CYP27C1: variants seen among roughly 807,000 people sequenced by gnomAD.
The protein encoded by CYP27C1 is cytochrome P450 27C1.
A neutral mutation model predicts 40.6 loss-of-function variants in CYP27C1; 29 were observed. That is an observed-to-expected ratio of 0.71 (90% CI 0.53 to 0.97). The LOEUF (loss-of-function observed/expected upper bound fraction) is 0.97. Ranked by LOEUF, CYP27C1 falls within the 50% of genes least tolerant of loss-of-function variation. The pLI is 0.00. For synonymous variants in CYP27C1, 198 were observed against 186.8 expected, an observed-to-expected ratio of 1.06 and a Z score of -0.49; for missense variants, 390 against 485.8, an observed-to-expected ratio of 0.80 and a Z score of 1.85.
At chr2:127,191,686 G>A (rs964014190) in intron 8 of CYP27C1, among the ~76,000 whole-genome samples, 2 of 152,202 alleles carry the variant, frequency 1.3e-5, no homozygotes, top group Non-Finnish European at 2.9e-5. Context: ...TGTAAATGAC[G>A]TGACAGGCTC....
chr2:127,215,847 G>A (rs986155910), intron 1 of CYP27C1, among the ~76,000 whole-genome samples: 2 of 151,838 alleles, frequency 1.3e-5, no homozygotes, highest in African/African-American at 4.8e-5. Flanking sequence ...GAGAGAGGGA[G>A]GGAGGGAGGA....
In CYP27C1 at chr2:127,201,041, C is replaced by G. The variant is rs981780580; in HGVS notation, c.883+81G>C. 7.4e-7 allele frequency: 1 copy of G among 1,356,470 alleles called. No individual in the cohort carries two copies. Among genetic ancestry groups the G allele is most frequent in the Non-Finnish European group, 1.0e-6 (1 of 960,918 alleles). The allele number at this position is 1,356,470 out of a possible 1,614,324, so 84.0% of individuals were successfully genotyped here. A position where few individuals can be genotyped will look rare whatever the true frequency, so the allele number is the denominator to read the frequency against. ...TCTAGGCATCCTCTGCTATGGTCAC[C>G]CATTGTCTGGATGAGAGTTAGACAC... On this transcript the variant is annotated intron_variant, in intron 4 of 8. Transcript: ENST00000664447. The surrounding 1 kb of genome is among the most constrained non-coding windows in gnomAD (Gnocchi z 6.0).
chr2:127,210,413 A>G (rs1451756751), intron 1 of CYP27C1, among the ~76,000 whole-genome samples: 1 of 152,214 alleles, frequency 6.6e-6, no homozygotes, highest in Non-Finnish European at 1.5e-5. Flanking sequence ...AAACACACCA[A>G]AATATAAAGA....
chr2:127,214,366 A>G (rs1028533508), intron 1 of CYP27C1, among the ~76,000 whole-genome samples: 2 of 152,200 alleles, frequency 1.3e-5, no homozygotes, highest in Non-Finnish European at 2.9e-5. Context: ...AAACACATGC[A>G]CACATATTTT....
intron 5 of CYP27C1, among the ~76,000 whole-genome samples, chr2:127,198,137 A>G (rs899803863): frequency 2.6e-5 from 4 of 151,138 alleles, no homozygotes; most frequent in Admixed American, 2.0e-4. Context: ...GTCCCAGTGT[A>G]TCATTGATCT....
rs150138787 is a variant in CYP27C1 at position 127,217,487 on chromosome 2, C to T, written c.282+2502G>A. Among the ~76,000 whole-genome samples, 412 of 152,314 alleles carry T rather than the reference C, an allele frequency of 2.7e-3. 5 individuals carry two copies. The highest frequency in any genetic ancestry group is 9.0e-3 in the African/African-American group (373 of 41,556). On this transcript the variant is annotated intron_variant, in intron 1 of 8. Coordinates refer to ENST00000664447, the MANE Select transcript of CYP27C1 (RefSeq NM_001367502.1). ...TAACCCATGAGAGGAATGGCGATTG[C>T]TAATCTCCTTTACGGATGAGAAAAC... is the stretch of plus-strand genomic sequence containing the variant.
At chr2:127,203,864 T>C (rs116450162) in intron 2 of CYP27C1, among the ~76,000 whole-genome samples, 1,870 of 151,962 alleles carry the variant, frequency 0.012, 30 homozygotes, top group African/African-American at 0.041. Flanking sequence ...TAAAAAATCT[T>C]GAAATAATAT....
At chr2:127,206,144 C>T (rs952210195) in intron 1 of CYP27C1, among the ~76,000 whole-genome samples, 54 bp from the exon 2 acceptor site, 7 of 152,226 alleles carry the variant, frequency 4.6e-5, no homozygotes, top group Non-Finnish European at 1.0e-4. Flanking sequence ...TATGATATAC[C>T]TTTAACATAA....
chr2:127,206,779 C>T (rs1683236961), intron 1 of CYP27C1, among the ~76,000 whole-genome samples: 1 of 152,152 alleles, frequency 6.6e-6, no homozygotes, highest in South Asian at 2.1e-4. Context: ...AGAGCAAGCC[C>T]TCTGTGGACA....
chr2:127,201,475 T>A lies in CYP27C1; in HGVS notation c.674-144A>T, dbSNP rs1169699074. 9.3e-6 allele frequency: 7 copies of A among 752,402 alleles called. No homozygotes were observed. In the African/African-American group the frequency reaches 1.1e-4, roughly 11 times the overall value. 46.6% of individuals were successfully genotyped at this position (752,402 alleles called of 1,614,324 possible). On this transcript the variant is annotated intron_variant, in intron 3 of 8. Coordinates refer to ENST00000664447, the MANE Select transcript of CYP27C1 (RefSeq NM_001367502.1). This position sits in a 1 kb window ranked among gnomAD's most constrained non-coding sequence, Gnocchi z 6.0. ...TCGTCCCTCTGAGGATTTCTCTGCA[T>A]CCTGAACTGCAGGGTGCTGGCATTT...
In CYP27C1 at chr2:127,196,630, T is replaced by C. The variant is rs1308170965; in HGVS notation, c.1048-1129A>G. Among the ~76,000 whole-genome samples, 4 of 152,226 alleles carry C rather than the reference T, an allele frequency of 2.6e-5. No individual in the cohort carries two copies. Among genetic ancestry groups the C allele is most frequent in the Non-Finnish European group, 1.5e-5 (1 of 68,022 alleles). Reference sequence around the variant, plus strand: ...GGGCAGCCCTCTTGTATATATAATATAATGTGCAAGGTCTTATAAATTATA... The same window carrying C: ...GGGCAGCCCTCTTGTATATATAATACAATGTGCAAGGTCTTATAAATTATA... On this transcript the variant is annotated intron_variant, in intron 5 of 8. Transcript: ENST00000664447. This position sits in a 1 kb window ranked among gnomAD's most constrained non-coding sequence, Gnocchi z 4.5.
In CYP27C1 at chr2:127,213,981, C is replaced by T. The variant is rs1032137854; in HGVS notation, c.282+6008G>A. Among the ~76,000 whole-genome samples the T allele has an allele frequency of 4.0e-5, 6 of 151,886 alleles. No homozygotes were observed. In the East Asian group the frequency reaches 1.2e-3, roughly 29 times the overall value. On this transcript the variant is annotated intron_variant, in intron 1 of 8. Coordinates refer to ENST00000664447, the MANE Select transcript of CYP27C1 (RefSeq NM_001367502.1). The stretch of plus-strand genomic sequence containing the variant: ...AATTTACAAGAAAAAAACAAATGGC[C>T]CCATCAAAAATTGGGCAAAGAATAT...
intron 2 of CYP27C1, among the ~76,000 whole-genome samples, chr2:127,204,561 GAA>G (rs1558931406): frequency 0.011 from 626 of 55,846 alleles, 3 homozygotes; most frequent in African/African-American, 0.013. Context: ...GAGAGAGAAA[GAA>G]AGAAAGAAAG....
chr2:127,200,384 A>C lies in CYP27C1; in HGVS notation c.883+738T>G, dbSNP rs577747614. Among the ~76,000 whole-genome samples, 9 of 152,330 alleles carry C rather than the reference A, an allele frequency of 5.9e-5. No homozygotes were observed. The highest frequency in any genetic ancestry group is 2.2e-4 in the African/African-American group (9 of 41,586). Reference sequence around the variant, plus strand: ...TGAAAATAATTTCTTTATTTTTGGCAATGCTTTTATAGTAAAAATTTTAGT... The same window carrying C: ...TGAAAATAATTTCTTTATTTTTGGCCATGCTTTTATAGTAAAAATTTTAGT... On this transcript the variant is annotated intron_variant, in intron 4 of 8. Coordinates refer to ENST00000664447, the MANE Select transcript of CYP27C1 (RefSeq NM_001367502.1). The surrounding 1 kb of genome is among the most constrained non-coding windows in gnomAD (Gnocchi z 4.2).
chr2:127,198,593 TG>T (rs1351551285), intron 5 of CYP27C1, among the ~76,000 whole-genome samples: 1 of 152,240 alleles, frequency 6.6e-6, no homozygotes, highest in Non-Finnish European at 1.5e-5. Context: ...TGGTCAATGA[TG>T]GACCCAATAT....
In CYP27C1 at chr2:127,193,162, C is replaced by G. The variant is rs1191233286; in HGVS notation, c.1429G>C (p.Gly477Arg). 6.2e-7 allele frequency: 1 copy of G among 1,614,040 alleles called. No homozygotes were observed. The highest frequency in any genetic ancestry group is 1.3e-5 in the African/African-American group (1 of 74,906). The change falls in exon 8 of 9, where the codon GGT (glycine) becomes CGT (arginine). Residue 477 changes from glycine (G) to arginine (R), a missense_variant. Transcript: ENST00000664447. ...RVDNFGSIPFGHGVRSCIGRR... is the reference protein window; with the variant it reads ...RVDNFGSIPFRHGVRSCIGRR... ...CCTATGCAGCTGCGAACCCCATGACCAAAGGGGATGGATCCAAAATTGTCA... is the reference window on the plus strand; with the variant it reads ...CCTATGCAGCTGCGAACCCCATGACGAAAGGGGATGGATCCAAAATTGTCA...
In CYP27C1 at chr2:127,195,482, C is replaced by G. The variant is rs1237125605; in HGVS notation, c.1067G>C (p.Trp356Ser). The stretch of plus-strand genomic sequence containing the variant: ...GTGCCTTGCCAGGAGGTACACAGTC[C>G]AAGACAAGGTGAAGGACGTCTAAGG... The part of the protein sequence containing the change: ...GVDTTSFTLS[W>S]TVYLLARHPE... The change falls in exon 6 of 9, where the codon TGG (tryptophan) becomes TCG (serine). Residue 356 changes from tryptophan (W) to serine (S), a missense_variant. By Grantham distance (177) the Trp-to-Ser change is radical (BLOSUM62 -3). Transcript: ENST00000664447. This position sits in a 1 kb window ranked among gnomAD's most constrained non-coding sequence, Gnocchi z 6.2. 1 of 1,613,810 alleles carries G rather than the reference C, an allele frequency of 6.2e-7. No homozygotes were observed. Among genetic ancestry groups the G allele is most frequent in the African/African-American group, 1.3e-5 (1 of 74,876 alleles).
chr2:127,196,220 G>A lies in CYP27C1; in HGVS notation c.1048-719C>T, dbSNP rs1418662203. Among the ~76,000 whole-genome samples the A allele has an allele frequency of 1.3e-5, 2 of 149,102 alleles. No homozygotes were observed. Among genetic ancestry groups the A allele is most frequent in the Non-Finnish European group, 3.0e-5 (2 of 67,418 alleles). ...TGGGACTACAGGCGCTCACCACCAC[G>A]CCCGGCTAATTTTTTGTATTTTTAG... On this transcript the variant is annotated intron_variant, in intron 5 of 8. Transcript: ENST00000664447. This position sits in a 1 kb window ranked among gnomAD's most constrained non-coding sequence, Gnocchi z 4.5.
In CYP27C1 at chr2:127,204,556, AGAAAG is replaced by A. The variant is rs1683168326; in HGVS notation, c.474-990_474-986del. Among the ~76,000 whole-genome samples, 6 of 32,940 alleles carry A rather than the reference AGAAAG, an allele frequency of 1.8e-4. 1 individual carries two copies. Among genetic ancestry groups the A allele is most frequent in the African/African-American group, 1.0e-3 (6 of 5,942 alleles). 21.6% of individuals were successfully genotyped at this position (32,940 alleles called of 152,430 possible). On this transcript the variant is annotated intron_variant, in intron 2 of 8. Coordinates refer to ENST00000664447, the MANE Select transcript of CYP27C1 (RefSeq NM_001367502.1). The stretch of plus-strand genomic sequence containing the variant: ...AAGAAAGAGAGAGAGAGAGAGAGAG[AGAAAG>A]AAAGAAAGAAAGAAAGAAAGAAAGA...
Sources: allele counts gnomAD v4.1 joint callset (sites outside exome capture counted in the v4.1 genomes callset), GRCh38; gene constraint gnomAD v4.1.1; non-coding constraint Gnocchi (gnomAD v3.1); transcripts MANE v1.5; gene names NCBI Gene and HGNC (gene_info 2026-07-23, HGNC 2026-07-21).